NOX4: variants seen among roughly 807,000 people sequenced by gnomAD.
NOX4 encodes the protein NADPH oxidase 4.
NOX4 carries 69 observed loss-of-function variants against 87.6 expected under a neutral mutation model. The observed-to-expected ratio is 0.79, with a 90% CI of 0.65 to 0.96. NOX4 has a LOEUF of 0.96. Ranked by LOEUF, NOX4 falls within the 40% of genes least tolerant of loss-of-function variation. NOX4 has a pLI of 0.00. For missense variants in NOX4, 680 were observed against 681.5 expected (o/e 1.00, Z 0.02); for synonymous variants, 275 against 238.2 (o/e 1.15, Z -1.42).
chr11:89,524,510 A>G, the NOX4 span, among the ~76,000 whole-genome samples: 1 of 152,090 alleles, frequency 6.6e-6, no homozygotes, highest in African/African-American at 2.4e-5. Flanking sequence ...CTTTCAAACC[A>G]TATCAGACCA....
intron 11 of NOX4, among the ~76,000 whole-genome samples, chr11:89,378,205 T>A (rs1168427461): frequency 6.6e-6 from 1 of 152,196 alleles, no homozygotes; most frequent in African/African-American, 2.4e-5. Context: ...TTTCTGGCTT[T>A]ATATTCCATG....
At chr11:89,504,023 C>T in the NOX4 span, among the ~76,000 whole-genome samples, 1 of 151,406 alleles carries the variant, frequency 6.6e-6, no homozygotes, top group Non-Finnish European at 1.5e-5. Flanking sequence ...AAAGGGTATG[C>T]AATGCTGTGG....
chr11:89,400,058 T>G lies in NOX4; in HGVS notation c.1033A>C (p.Ser345Arg). Residue 345 changes from serine (S) to arginine (R), a missense_variant, in exon 11 of 18, where the codon AGT (serine) becomes CGT (arginine). Transcript: ENST00000263317. ...PGQYITLHCP[S>R]VSALENHPFT... ...GGATGATTTTCTAATGCAGATACAC[T>G]GGGACAATGTAGAGTAATATACTAA... The G allele has an allele frequency of 6.2e-7, 1 of 1,607,808 alleles. No homozygotes were observed. The highest frequency in any genetic ancestry group is 8.5e-7 in the Non-Finnish European group (1 of 1,175,386).
the NOX4 span, among the ~76,000 whole-genome samples, chr11:89,583,563 C>A: frequency 6.6e-6 from 1 of 152,118 alleles, no homozygotes; most frequent in Non-Finnish European, 1.5e-5. Context: ...AGCCTGGTTA[C>A]TATCAAAGAT....
At chr11:89,362,833 A>T (rs927868271) in intron 12 of NOX4, among the ~76,000 whole-genome samples, 1 of 152,052 alleles carries the variant, frequency 6.6e-6, no homozygotes, top group Non-Finnish European at 1.5e-5. Flanking sequence ...CACACACATG[A>T]TGCTTGAAAT....
upstream of NOX4, among the ~76,000 whole-genome samples, chr11:89,494,551 A>G (rs1946927248): frequency 6.6e-6 from 1 of 152,222 alleles, no homozygotes; most frequent in African/African-American, 2.4e-5. Context: ...ATAGCTTGAC[A>G]CATAGTAGGA....
upstream of NOX4, chr11:89,492,244 G>A (rs1195497385): frequency 6.6e-6 from 1 of 151,998 alleles, no homozygotes; most frequent in Admixed American, 6.5e-5. Flanking sequence ...TATTAGAAAA[G>A]AGAGAGAAAA....
chr11:89,510,673 A>G, the NOX4 span, among the ~76,000 whole-genome samples: 6 of 152,118 alleles, frequency 3.9e-5, no homozygotes, highest in African/African-American at 1.4e-4. Context: ...CAAAAAAGCA[A>G]GAACTTTTTA....
the NOX4 span, among the ~76,000 whole-genome samples, chr11:89,549,723 G>A: frequency 1.5e-4 from 23 of 152,118 alleles, no homozygotes; most frequent in Admixed American, 1.4e-3. Context: ...TCCTACTTAT[G>A]AGTCAGAACA....
chr11:89,403,721 C>A (rs551429051), intron 8 of NOX4, among the ~76,000 whole-genome samples: 4 of 152,134 alleles, frequency 2.6e-5, no homozygotes, highest in Non-Finnish European at 5.9e-5. Flanking sequence ...CCAGCCTGGA[C>A]AATAAGAGCG....
the NOX4 span, among the ~76,000 whole-genome samples, chr11:89,566,099 G>A: frequency 3.4e-5 from 5 of 147,738 alleles, no homozygotes; most frequent in African/African-American, 1.3e-4. Flanking sequence ...CTGGAGTGTA[G>A]TGGTGCAATC....
At chr11:89,574,917 C>T in the NOX4 span, among the ~76,000 whole-genome samples, 11 of 152,306 alleles carry the variant, frequency 7.2e-5, no homozygotes, top group South Asian at 2.1e-4. Context: ...GGCGCGGTGG[C>T]TCACGCCCAT....
the NOX4 span, among the ~76,000 whole-genome samples, chr11:89,552,907 C>G: frequency 1.3e-5 from 2 of 152,066 alleles, no homozygotes; most frequent in African/African-American, 4.8e-5. Flanking sequence ...ATTCCAATAC[C>G]AGTTAGGCAT....
Position 89,340,108 on chromosome 11 carries a change from C to T in NOX4, c.1401G>A (p.Gln467=), listed in dbSNP as rs564496729. ...LYFIWVCRDI[Q]SFRWFADLLC... The stretch of plus-strand genomic sequence containing the variant: ...GTAAATCTGCAAACCAACGGAAGGA[C>T]TGGATATCTCTGCATACCCAAATAA... Residue 467 remains glutamine, a synonymous_variant, in exon 15 of 18, where the codon CAG becomes CAA. Coordinates refer to ENST00000263317, the MANE Select transcript of NOX4 (RefSeq NM_016931.5). 3.4e-5 allele frequency: 54 copies of T among 1,578,714 alleles called. No individual in the cohort carries two copies. The South Asian group carries it at 5.6e-4, about 16-fold the overall frequency.
At chr11:89,577,242 C>T in the NOX4 span, 1 of 151,994 alleles carries the variant, frequency 6.6e-6, no homozygotes, top group African/African-American at 2.4e-5. Flanking sequence ...AAAAACAATT[C>T]TGTAGTTTTG....
At chr11:89,536,956 A>G in the NOX4 span, among the ~76,000 whole-genome samples, 1 of 152,320 alleles carries the variant, frequency 6.6e-6, no homozygotes, top group Non-Finnish European at 1.5e-5. Flanking sequence ...TTCAAAAACA[A>G]CTACATAGTT....
chr11:89,420,873 T>G lies in NOX4; in HGVS notation c.629+1029A>C, dbSNP rs1427884835. Among the ~76,000 whole-genome samples, 3 of 152,094 alleles carry G rather than the reference T, an allele frequency of 2.0e-5. No individual in the cohort carries two copies. In the East Asian group the frequency reaches 5.8e-4, roughly 29 times the overall value. On this transcript the variant is annotated intron_variant, in intron 8 of 17. Coordinates refer to ENST00000263317, the MANE Select transcript of NOX4 (RefSeq NM_016931.5). ...GACTGTGATTGAACTATGAAATCAT[T>G]TTGGACCTCACAGACCTCAGCCTCC...
At chr11:89,347,951 T>C (rs1246626804) in intron 13 of NOX4, among the ~76,000 whole-genome samples, 2 of 152,200 alleles carry the variant, frequency 1.3e-5, no homozygotes, top group African/African-American at 2.4e-5. Context: ...TGGGTCTTCA[T>C]TGTCTTTACA....
intron 13 of NOX4, among the ~76,000 whole-genome samples, chr11:89,349,536 G>A (rs759254804): frequency 5.9e-5 from 9 of 152,072 alleles, no homozygotes; most frequent in South Asian, 2.1e-4. Context: ...TCATTTTTAC[G>A]TAGCCCATTA....
Sources: gnomAD v4.1 joint callset for allele counts (sites outside exome capture counted in the v4.1 genomes callset) on GRCh38, gnomAD v4.1.1 for gene constraint, MANE v1.5 for transcripts, NCBI Gene and HGNC (gene_info 2026-07-23, HGNC 2026-07-21) for gene names.